FMN1: variants seen among roughly 807,000 people sequenced by gnomAD.
FMN1 encodes formin 1, also known as formin-1.
A neutral mutation model predicts 132.4 loss-of-function variants in FMN1; 110 were observed. That is an observed-to-expected ratio of 0.83 (90% confidence interval 0.71 to 0.97). The LOEUF (loss-of-function observed/expected upper bound fraction) is 0.97. FMN1 is among the 50% of genes least tolerant of loss of function. The pLI, the probability that FMN1 is intolerant of heterozygous loss-of-function variation, is 0.00. For missense variants in FMN1, 1,792 were observed against 1,705.3 expected, an observed-to-expected ratio of 1.05 and a Z score of -0.90; for synonymous variants, 722 against 651.7, an observed-to-expected ratio of 1.11 and a Z score of -1.64.
intron 15 of FMN1, among the ~76,000 whole-genome samples, chr15:32,890,895 CCATT>C (rs2141511459): frequency 1.3e-5 from 2 of 152,108 alleles, no homozygotes; most frequent in Non-Finnish European, 2.9e-5. Flanking sequence ...AGTCCTTAAT[CCATT>C]GAGTTGATTT....
intron 10 of FMN1, among the ~76,000 whole-genome samples, chr15:32,915,655 A>AG (rs151059208): frequency 0.064 from 9,713 of 152,280 alleles, 440 homozygotes; most frequent in Middle Eastern, 0.15. Context: ...AAGTAATCCT[A>AG]CTTTTGTTTC....
intron 9 of FMN1, among the ~76,000 whole-genome samples, chr15:32,947,814 T>C (rs1252978786): frequency 6.6e-6 from 1 of 152,102 alleles, no homozygotes; most frequent in Non-Finnish European, 1.5e-5. Flanking sequence ...TTGATTATTG[T>C]GGTACTGATC....
chr15:33,116,903 A>G (rs944577177), intron 4 of FMN1, among the ~76,000 whole-genome samples: 1 of 151,486 alleles, frequency 6.6e-6, no homozygotes, highest in African/African-American at 2.4e-5. Flanking sequence ...AAGAAAACGA[A>G]GTACTTGAAA....
chr15:33,151,797 G>C (rs1964450561), intron 4 of FMN1, among the ~76,000 whole-genome samples: 1 of 152,086 alleles, frequency 6.6e-6, no homozygotes, highest in Non-Finnish European at 1.5e-5. Context: ...TGCAATACAT[G>C]ATATAAAATC....
chr15:32,837,022 AG>A (rs372920476), intron 17 of FMN1: 229 of 231,048 alleles, frequency 9.9e-4, no homozygotes, highest in African/African-American at 5.1e-3. Flanking sequence ...TGGGAGACAC[AG>A]ACCATGTACA....
chr15:32,934,246 CCCACACTTCATGTAATT>C (rs1315640421), intron 9 of FMN1, among the ~76,000 whole-genome samples: 1 of 152,126 alleles, frequency 6.6e-6, no homozygotes, highest in Admixed American at 6.5e-5. Context: ...CTTCTCCACT[CCCACACTTCATGTAATT>C]GATATAACAA....
At chr15:33,118,651 C>T (rs1323264414) in intron 4 of FMN1, among the ~76,000 whole-genome samples, 2 of 151,954 alleles carry the variant, frequency 1.3e-5, no homozygotes, top group African/African-American at 4.8e-5. Context: ...CCTAATAATG[C>T]TCATATTAAA....
chr15:33,159,569 G>GA (rs553083740), intron 3 of FMN1, among the ~76,000 whole-genome samples: 2 of 151,746 alleles, frequency 1.3e-5, no homozygotes, highest in Admixed American at 6.6e-5. Flanking sequence ...GAATGTAACA[G>GA]AAAAAAAACA....
intron 4 of FMN1, among the ~76,000 whole-genome samples, chr15:33,127,917 G>A (rs529927554): frequency 1.4e-5 from 2 of 139,672 alleles, no homozygotes; most frequent in South Asian, 2.3e-4. Flanking sequence ...AATGGAGACA[G>A]ATGGAAATAG....
chr15:33,183,845 G>A (rs1430222055), intron 2 of FMN1, among the ~76,000 whole-genome samples: 1 of 152,110 alleles, frequency 6.6e-6, no homozygotes, highest in African/African-American at 2.4e-5. Flanking sequence ...GGGTGGGGAG[G>A]ATGTTTCAAA....
chr15:32,969,327 C>T lies in FMN1; in HGVS notation c.2374G>A (p.Asp792Asn), dbSNP rs61736694. The change falls in exon 8 of 21, where the codon GAT (aspartate) becomes AAT (asparagine). Residue 792 changes from aspartate (D) to asparagine (N), a missense_variant. Asp to Asn is a conservative substitution (Grantham distance 23, BLOSUM62 1). Transcript: ENST00000616417. The stretch of plus-strand genomic sequence containing the variant: ...AAGGTCTTTGGAGGGCAGTCATCAT[C>T]GGTGGAAATGCACACATCTTTCCTC... ...EERKDVCISTDDDCPPKTFRN... is the reference protein window; with the variant it reads ...EERKDVCISTNDDCPPKTFRN... The T allele has an allele frequency of 2.9e-3, 4,735 of 1,613,908 alleles. 144 individuals carry two copies. The African/African-American group carries it at 0.056, about 19-fold the overall frequency.
intron 17 of FMN1, 105 bp from the exon 18 acceptor site, chr15:32,804,437 C>CGGCGG (rs2057592201): frequency 8.4e-5 from 2 of 23,774 alleles, no homozygotes; most frequent in African/African-American, 2.3e-4. Flanking sequence ...GGTCTGAATT[C>CGGCGG]GGGGGGGGGG....
At chr15:33,113,371 T>G (rs2039786489) in intron 4 of FMN1, among the ~76,000 whole-genome samples, 1 of 151,766 alleles carries the variant, frequency 6.6e-6, no homozygotes, top group Admixed American at 6.6e-5. Flanking sequence ...TATAAGCTTA[T>G]TTTTTTCAAT....
rs1180302755 is a variant in FMN1, at chr15:32,964,129, TC to T, written c.3115del (p.Glu1039ArgfsTer24). The T allele has an allele frequency of 6.2e-7, 1 of 1,612,364 alleles. No homozygotes were observed. Among genetic ancestry groups the T allele is most frequent in the East Asian group, 2.2e-5 (1 of 44,846 alleles). ...TACCTTTTTGACCTTGTTTTTCTTC[TC>T]ATAAGTCTCTGACAGAGGTTTTTTC... Reference protein sequence around the residue: ...QKKKPLSETYEKKNKVKKIIK... With the variant: ...QKKKPLSETYXKKNKVKKIIK... On this transcript the variant is annotated frameshift_variant, in exon 9 of 21. Coordinates refer to ENST00000616417, the MANE Select transcript of FMN1 (RefSeq NM_001277313.2). LOFTEE classifies it high-confidence loss of function.
At chr15:33,001,293 A>C (rs2034090393) in intron 7 of FMN1, among the ~76,000 whole-genome samples, 1 of 152,198 alleles carries the variant, frequency 6.6e-6, no homozygotes, top group Non-Finnish European at 1.5e-5. Context: ...CAAAAAGAAA[A>C]AAAAAAGTGT....
chr15:32,846,155 T>C (rs970940161), intron 17 of FMN1, among the ~76,000 whole-genome samples: 39 of 152,170 alleles, frequency 2.6e-4, no homozygotes, highest in African/African-American at 9.4e-4. Context: ...TAAGAATTTG[T>C]TAAAGAGGGT....
intron 4 of FMN1, among the ~76,000 whole-genome samples, chr15:33,097,139 A>G (rs1735958444): frequency 6.6e-6 from 1 of 152,046 alleles, no homozygotes; most frequent in African/African-American, 2.4e-5. Context: ...ACTAAAAAAA[A>G]TACAAAAATC....
At chr15:32,975,699 T>C (rs189389246) in intron 7 of FMN1, among the ~76,000 whole-genome samples, 582 of 152,294 alleles carry the variant, frequency 3.8e-3, no homozygotes, top group Non-Finnish European at 6.2e-3. Context: ...TAATTCAAAA[T>C]ACTTAACGTA....
intron 7 of FMN1, among the ~76,000 whole-genome samples, chr15:32,998,760 A>C (rs1182808799): frequency 6.6e-6 from 1 of 152,240 alleles, no homozygotes; most frequent in Non-Finnish European, 1.5e-5. Flanking sequence ...TCAGGGGTTA[A>C]GACTCAGCAG....
Sources: allele counts gnomAD v4.1 joint callset (sites outside exome capture counted in the v4.1 genomes callset), GRCh38; gene constraint gnomAD v4.1.1; transcripts MANE v1.5; gene names NCBI Gene and HGNC (gene_info 2026-07-23, HGNC 2026-07-21).